The following ADK variants were observed in gnomAD, a reference collection of about 807,000 sequenced individuals.
ADK encodes the protein N6,N6-dimethyladenosine kinase.
In ADK, 24 loss-of-function variants were observed where a neutral mutation model predicts 44.7. That is an observed-to-expected ratio of 0.54 (90% CI 0.39 to 0.76). The LOEUF is 0.76. Among genes scored for constraint, ADK ranks in the 30% least tolerant of loss-of-function variants. The pLI is 0.00. For missense variants in ADK, 321 were observed against 425.1 expected (o/e 0.76, Z 2.15); for synonymous variants, 128 against 142.6 (o/e 0.90, Z 0.73).
intron 4 of ADK, among the ~76,000 whole-genome samples, chr10:74,328,671 ACT>A (rs1841103438): frequency 6.6e-6 from 1 of 151,008 alleles, no homozygotes; most frequent in African/African-American, 2.4e-5. Context: ...TTCCTCCTTC[ACT>A]CTCTGTCTTT....
At chr10:74,566,530 A>G (rs1441886773) in intron 7 of ADK, among the ~76,000 whole-genome samples, 3 of 152,042 alleles carry the variant, frequency 2.0e-5, no homozygotes, top group African/African-American at 7.2e-5. Context: ...CATTCTAACC[A>G]TAATCACTTA....
At chr10:74,593,477 A>G (rs377557848) in intron 8 of ADK, among the ~76,000 whole-genome samples, 7 of 151,158 alleles carry the variant, frequency 4.6e-5, no homozygotes, top group African/African-American at 1.7e-4. Flanking sequence ...AGCAATGACA[A>G]AAAAAAAGCG....
At position 74,524,760 on chromosome 10, in the gene ADK, C is replaced by T. The variant is rs549613524; in HGVS notation, c.556-496C>T. On this transcript the variant is annotated intron_variant, in intron 6 of 10. Coordinates refer to ENST00000539909, the MANE Select transcript of ADK (RefSeq NM_006721.4). Reference sequence around the variant, plus strand: ...ATAAGAATACAAACTCAGCCAGGCTCAGTGGTGTGCACCTGTAATCCCAGC... The same window carrying T: ...ATAAGAATACAAACTCAGCCAGGCTTAGTGGTGTGCACCTGTAATCCCAGC... 2.6e-5 allele frequency among the ~76,000 whole-genome samples: 4 copies of T among 152,230 alleles called. No individual in the cohort carries two copies. The South Asian group carries it at 6.2e-4, about 24-fold the overall frequency.
intron 3 of ADK, among the ~76,000 whole-genome samples, chr10:74,310,933 GT>G: frequency 6.6e-6 from 1 of 151,278 alleles, no homozygotes; most frequent in East Asian, 1.9e-4. Context: ...CTTTGCTCTT[GT>G]TTTTTATTCA....
At chr10:74,238,856 C>CTTTTTTTTTTT (rs752385282) in intron 3 of ADK, among the ~76,000 whole-genome samples, 1 of 88,194 alleles carries the variant, frequency 1.1e-5, no homozygotes, top group Non-Finnish European at 2.0e-5. Context: ...TTAGCTAGTG[C>CTTTTTTTTTTT]TTTTTTTTTT....
intron 6 of ADK, among the ~76,000 whole-genome samples, chr10:74,455,655 G>A (rs554684293): frequency 6.6e-6 from 1 of 152,206 alleles, no homozygotes; most frequent in East Asian, 1.9e-4. Context: ...GACTACAGGT[G>A]TGCGCCACCA....
At chr10:74,510,366 A>G (rs111568097) in intron 6 of ADK, among the ~76,000 whole-genome samples, 1 of 152,044 alleles carries the variant, frequency 6.6e-6, no homozygotes, top group African/African-American at 2.4e-5. Flanking sequence ...CTCTTTTGAG[A>G]AATGTCTGTT....
At position 74,167,536 on chromosome 10, in the gene ADK, T is replaced by G. The variant is rs376441096; in HGVS notation, c.65+16193T>G. On this transcript the variant is annotated intron_variant, in intron 1 of 10. Coordinates refer to ENST00000539909, the MANE Select transcript of ADK (RefSeq NM_006721.4). ...CACTCACCTTATGCCTTAGGGTAAC[T>G]GGAGGCTTGGCTCAACTGGGCTTCT... is the stretch of plus-strand genomic sequence containing the variant. Among the ~76,000 whole-genome samples, 136 of 152,306 alleles carry G rather than the reference T, an allele frequency of 8.9e-4. 1 individual carries two copies. The South Asian group carries it at 0.027, about 30-fold the overall frequency.
chr10:74,180,578 C>G (rs1842511204), intron 1 of ADK, among the ~76,000 whole-genome samples: 1 of 151,498 alleles, frequency 6.6e-6, no homozygotes, highest in African/African-American at 2.4e-5. Flanking sequence ...CCTGCCTCAG[C>G]CTCTCTAGTA....
chr10:74,173,513 C>G (rs1842230166), intron 1 of ADK, among the ~76,000 whole-genome samples: 1 of 151,406 alleles, frequency 6.6e-6, no homozygotes. Context: ...TCACTGCAAC[C>G]TCTGCCTCCC....
At chr10:74,506,976 A>G (rs1040516294) in intron 6 of ADK, among the ~76,000 whole-genome samples, 1 of 152,232 alleles carries the variant, frequency 6.6e-6, no homozygotes, top group African/African-American at 2.4e-5. Context: ...AAGTGGATCC[A>G]TGCAGTTCAA....
chr10:74,516,720 C>T (rs1848602380), intron 6 of ADK: 1 of 152,104 alleles, frequency 6.6e-6, no homozygotes, highest in Non-Finnish European at 1.5e-5. Context: ...GACGGGAGCT[C>T]ACCATGTTGG....
At position 74,457,381 on chromosome 10, in the gene ADK, A is replaced by C. The variant is rs565313961; in HGVS notation, c.555+58802A>C. The stretch of plus-strand genomic sequence containing the variant: ...AAAGCCCAGGACCAGATGGATTCAC[A>C]ACTGAATTCTATCAGAGGTACAAAG... On this transcript the variant is annotated intron_variant, in intron 6 of 10. Coordinates refer to ENST00000539909, the MANE Select transcript of ADK (RefSeq NM_006721.4). Among the ~76,000 whole-genome samples, 77 of 152,368 alleles carry C rather than the reference A, an allele frequency of 5.1e-4. 2 individuals carry two copies. In the South Asian group the frequency reaches 0.015, roughly 30 times the overall value.
intron 9 of ADK, among the ~76,000 whole-genome samples, chr10:74,646,519 G>T (rs1485689778): frequency 6.6e-6 from 1 of 152,158 alleles, no homozygotes; most frequent in Non-Finnish European, 1.5e-5. Context: ...GAAAATGGCA[G>T]AAAACTACAA....
At chr10:74,694,147 ATTTT>A (rs10669118) in intron 10 of ADK, among the ~76,000 whole-genome samples, 33 of 82,312 alleles carry the variant, frequency 4.0e-4, no homozygotes, top group Non-Finnish European at 6.2e-4. Flanking sequence ...TTTCAAACAC[ATTTT>A]TTTTTTTTTT....
At chr10:74,259,152 C>A (rs1845944327) in intron 3 of ADK, among the ~76,000 whole-genome samples, 1 of 151,528 alleles carries the variant, frequency 6.6e-6, no homozygotes, top group Non-Finnish European at 1.5e-5. Flanking sequence ...GCCATGTTGG[C>A]CAGGCTGATT....
At chr10:74,702,795 C>T (rs1856481877) in intron 10 of ADK, among the ~76,000 whole-genome samples, 1 of 151,882 alleles carries the variant, frequency 6.6e-6, no homozygotes, top group Non-Finnish European at 1.5e-5. Context: ...GACGAGGTTT[C>T]ACCATGTTGG....
intron 10 of ADK, among the ~76,000 whole-genome samples, chr10:74,682,580 T>C (rs112057112): frequency 3.1e-5 from 2 of 65,520 alleles, no homozygotes; most frequent in Admixed American, 1.4e-4. Flanking sequence ...CTTTTCTTTT[T>C]TTTTTTTTTT....
chr10:74,451,371 C>T (rs922574353), intron 6 of ADK, among the ~76,000 whole-genome samples: 1 of 151,934 alleles, frequency 6.6e-6, no homozygotes, highest in South Asian at 2.1e-4. Flanking sequence ...TTTACTTTTC[C>T]ACTTTTTCCC....
Sources: gnomAD v4.1 joint callset for allele counts (sites outside exome capture counted in the v4.1 genomes callset) on GRCh38, gnomAD v4.1.1 for gene constraint, MANE v1.5 for transcripts, NCBI Gene and HGNC (gene_info 2026-07-23, HGNC 2026-07-21) for gene names.